Variants in ANKS1B observed in about 807,000 individuals in gnomAD.
ANKS1B encodes ankyrin repeat and sterile alpha motif domain-containing protein 1B.
Under a neutral mutation model 148.3 loss-of-function variants are expected in ANKS1B, and 36 were observed. The observed-to-expected ratio is 0.24, with a 90% CI of 0.19 to 0.32. The LOEUF (loss-of-function observed/expected upper bound fraction) is 0.32. Among genes scored for constraint, ANKS1B ranks in the 10% least tolerant of loss-of-function variants. The probability of loss-of-function intolerance (pLI) is 1.00; values close to 1 mark genes in which losing one functional copy is unlikely to be tolerated. For missense variants in ANKS1B, 1,157 were observed against 1,542.6 expected, an observed-to-expected ratio of 0.75 and a Z score of 4.19; for synonymous variants, 542 against 560.8, an observed-to-expected ratio of 0.97 and a Z score of 0.47.
intron 17 of ANKS1B, among the ~76,000 whole-genome samples, chr12:98,940,709 TTGAA>T (rs1451358787): frequency 3.3e-5 from 5 of 152,340 alleles, no homozygotes; most frequent in Admixed American, 1.3e-4. Context: ...TAAATATTTG[TTGAA>T]TGAGTGAGTG....
chr12:98,837,079 C>T (rs779168707), intron 17 of ANKS1B, among the ~76,000 whole-genome samples: 11 of 152,076 alleles, frequency 7.2e-5, no homozygotes, highest in Non-Finnish European at 1.6e-4. Flanking sequence ...TGCCTGTAAT[C>T]CCAGCACTTT....
At chr12:99,760,820 A>G (rs2062020808) in intron 8 of ANKS1B, among the ~76,000 whole-genome samples, 1 of 151,586 alleles carries the variant, frequency 6.6e-6, no homozygotes, top group South Asian at 2.1e-4. Context: ...GAAAGAAGAG[A>G]CAATATCCAA....
At chr12:99,831,790 G>A (rs987830299) in intron 1 of ANKS1B, among the ~76,000 whole-genome samples, 1 of 151,860 alleles carries the variant, frequency 6.6e-6, no homozygotes, top group African/African-American at 2.4e-5. Flanking sequence ...AGGGATCCTA[G>A]AGAGGACGCA....
chr12:99,213,328 T>A (rs2083629196), intron 14 of ANKS1B, among the ~76,000 whole-genome samples: 1 of 152,206 alleles, frequency 6.6e-6, no homozygotes, highest in African/African-American at 2.4e-5. Flanking sequence ...ACAAACTGCT[T>A]TATTTCAAAC....
At position 99,647,615 on chromosome 12, in the gene ANKS1B, G is replaced by A. The variant is rs575378889; in HGVS notation, c.1272+7452C>T. 10 of 156,498 alleles carry A rather than the reference G, an allele frequency of 6.4e-5. No individual in the cohort carries two copies. The South Asian group carries it at 1.9e-3, about 30-fold the overall frequency. 9.7% of individuals were successfully genotyped at this position (156,498 alleles called of 1,614,324 possible). On this transcript the variant is annotated intron_variant, in intron 9 of 26. Transcript: ENST00000683438. ...GTCTGCTGAGCTGTGGAGGGCGGTGGGGCTGAGGGTGGGGTGGAGAGGGCG... is the reference window on the plus strand; with the variant it reads ...GTCTGCTGAGCTGTGGAGGGCGGTGAGGCTGAGGGTGGGGTGGAGAGGGCG...
chr12:98,743,009 T>TA (rs57178096), downstream of ANKS1B, among the ~76,000 whole-genome samples: 10 of 152,178 alleles, frequency 6.6e-5, no homozygotes, highest in East Asian at 1.9e-4. Flanking sequence ...TTATTTTTTT[T>TA]AAAAAAAGTC....
At chr12:99,557,735 A>T (rs890588219) in intron 9 of ANKS1B, among the ~76,000 whole-genome samples, 1 of 152,200 alleles carries the variant, frequency 6.6e-6, no homozygotes, top group Non-Finnish European at 1.5e-5. Context: ...TACAAAGACA[A>T]TCTGGCTTTT....
intron 3 of ANKS1B, among the ~76,000 whole-genome samples, chr12:99,811,677 C>G (rs1336760586): frequency 2.0e-5 from 3 of 151,716 alleles, no homozygotes; most frequent in Non-Finnish European, 2.9e-5. Flanking sequence ...AAAATTTTAA[C>G]TTAATATGTG....
chr12:99,686,612 T>C (rs777541065), intron 8 of ANKS1B, among the ~76,000 whole-genome samples: 1 of 152,178 alleles, frequency 6.6e-6, no homozygotes, highest in Non-Finnish European at 1.5e-5. Context: ...AAGCAAGATA[T>C]CACTCACATG....
chr12:99,262,023 T>C (rs1602180926), intron 12 of ANKS1B, among the ~76,000 whole-genome samples: 2 of 152,172 alleles, frequency 1.3e-5, no homozygotes, highest in African/African-American at 4.8e-5. Context: ...GGCATTCTTC[T>C]GGGTCATGAC....
chr12:99,763,415 T>C (rs1218209862), intron 8 of ANKS1B, among the ~76,000 whole-genome samples: 1 of 152,304 alleles, frequency 6.6e-6, no homozygotes, highest in Non-Finnish European at 1.5e-5. Flanking sequence ...CCACTTGTTC[T>C]TACTCGTAAG....
At chr12:99,243,322 G>A (rs2452264) in intron 14 of ANKS1B, among the ~76,000 whole-genome samples, 128,117 of 152,234 alleles carry the variant, frequency 0.84, 54,532 homozygotes, top group East Asian at 1. Flanking sequence ...CAAAACCACA[G>A]TGAGATACCA....
chr12:98,807,077 G>A (rs1186008580), intron 20 of ANKS1B, among the ~76,000 whole-genome samples: 1 of 152,014 alleles, frequency 6.6e-6, no homozygotes, highest in Non-Finnish European at 1.5e-5. Context: ...GCTATCCAAT[G>A]GGAGAAATTC....
chr12:99,059,970 A>G (rs1232065543), intron 16 of ANKS1B, among the ~76,000 whole-genome samples: 2 of 152,060 alleles, frequency 1.3e-5, no homozygotes, highest in East Asian at 1.9e-4. Context: ...TGACAGCTCC[A>G]TCGGCCTGCC....
At chr12:99,605,337 T>G (rs930703542) in intron 9 of ANKS1B, among the ~76,000 whole-genome samples, 2 of 152,040 alleles carry the variant, frequency 1.3e-5, no homozygotes, top group Admixed American at 1.3e-4. Flanking sequence ...AGTGAAAACA[T>G]TAAAAATCCT....
intron 1 of ANKS1B, among the ~76,000 whole-genome samples, chr12:99,903,989 G>A (rs1565965946): frequency 2.0e-5 from 3 of 152,158 alleles, no homozygotes; most frequent in East Asian, 1.9e-4. Flanking sequence ...GATCAAGAGC[G>A]ATATATGACT....
At chr12:98,777,398 G>T (rs1467987591) in intron 24 of ANKS1B, among the ~76,000 whole-genome samples, 2 of 152,162 alleles carry the variant, frequency 1.3e-5, no homozygotes, top group Non-Finnish European at 2.9e-5. Context: ...AGCCAGATGG[G>T]AAGGCTGAGG....
intron 14 of ANKS1B, among the ~76,000 whole-genome samples, chr12:99,236,276 A>G (rs746585966): frequency 6.6e-6 from 1 of 152,104 alleles, no homozygotes; most frequent in Admixed American, 6.6e-5. Context: ...CTCTCTTCCT[A>G]TTTGGATGCT....
Position 99,806,488 on chromosome 12 carries a change from G to A in ANKS1B, c.585C>T (p.His195=), listed in dbSNP as rs1471628954. Residue 195 remains histidine (H), a synonymous_variant, in exon 4 of 27, where the codon CAC becomes CAT. Coordinates refer to ENST00000683438, the MANE Select transcript of ANKS1B (RefSeq NM_001352186.2). ...PNLMSCNTRK[H]TPLHLAARNG... is the part of the protein sequence containing the mutation. ...TGCGCGCAGCAAGGTGAAGTGGCGT[G>A]TGCTTGCGAGTGTTGCAGCTCATTA... The A allele has an allele frequency of 6.2e-7, 1 of 1,613,872 alleles. No homozygotes were observed. Among genetic ancestry groups the A allele is most frequent in the African/African-American group, 1.3e-5 (1 of 74,926 alleles).
Sources: gnomAD v4.1 joint callset for allele counts (sites outside exome capture counted in the v4.1 genomes callset) on GRCh38, gnomAD v4.1.1 for gene constraint, MANE v1.5 for transcripts, NCBI Gene and HGNC (gene_info 2026-07-23, HGNC 2026-07-21) for gene names.